ANKRD11: variants seen among roughly 807,000 people sequenced by gnomAD.
ANKRD11 encodes the protein ankyrin repeat domain-containing protein 11.
In ANKRD11, 17 loss-of-function variants were observed where a neutral mutation model predicts 195.7. That is an observed-to-expected ratio of 0.09 (90% CI 0.06 to 0.13). The LOEUF is 0.13. Ranked by LOEUF, ANKRD11 falls within the 10% of genes least tolerant of loss-of-function variation. The pLI, the probability that ANKRD11 is intolerant of heterozygous loss-of-function variation, is 1.00. For synonymous variants in ANKRD11, 1,953 were observed against 1,528.1 expected, an observed-to-expected ratio of 1.28 and a Z score of -6.49; for missense variants, 3,735 against 3,566.1, an observed-to-expected ratio of 1.05 and a Z score of -1.21.
chr16:89,481,072 T>C, intron 1 of ANKRD11, among the ~76,000 whole-genome samples: 1 of 152,184 alleles, frequency 6.6e-6, no homozygotes, highest in Non-Finnish European at 1.5e-5. Context: ...TTCTTTTCTG[T>C]CTCCTTTGCT....
At chr16:89,448,792 G>A (rs1172292871) in intron 1 of ANKRD11, among the ~76,000 whole-genome samples, 1 of 152,138 alleles carries the variant, frequency 6.6e-6, no homozygotes, top group African/African-American at 2.4e-5. Context: ...ACCCTCACCA[G>A]CACCGCCCCG....
intron 2 of ANKRD11, among the ~76,000 whole-genome samples, chr16:89,354,272 G>A (rs571355530): frequency 6.9e-6 from 1 of 144,358 alleles, no homozygotes; most frequent in African/African-American, 2.6e-5. Context: ...AAAACTTCAT[G>A]TTGAAACACT....
At position 89,287,238 on chromosome 16, in the gene ANKRD11, TC is replaced by T. The variant is rs1219778399; in HGVS notation, c.745-1053del. On this transcript the variant is annotated intron_variant, in intron 7 of 12. Transcript: ENST00000301030. ...AGCGCAGGTGCGGCCCTCCTCGGGT[TC>T]TAACCTCTCCTGCTTCTGGCATCTC... 1.6e-5 allele frequency: 8 copies of T among 490,888 alleles called. No homozygotes were observed. In the East Asian group the frequency reaches 5.6e-4, roughly 35 times the overall value. 30.4% of individuals were successfully genotyped at this position (490,888 alleles called of 1,614,324 possible).
At chr16:89,452,551 TG>T (rs1215887284) in intron 1 of ANKRD11, among the ~76,000 whole-genome samples, 2 of 151,510 alleles carry the variant, frequency 1.3e-5, no homozygotes, top group Non-Finnish European at 2.9e-5. Flanking sequence ...CTGAGGCGGG[TG>T]GATCACCTGA....
In ANKRD11 at chr16:89,283,862, C is replaced by T. The variant is rs1482994254; in HGVS notation, c.2680G>A (p.Ala894Thr). ...DSKERRRDSR[A>T]REKRDYREPF... ...TCTCTGTAGTCTCGCTTCTCCCGGG[C>T]CCGGCTGTCCCGCCTCCTCTCCTTG... The change falls in exon 9 of 13, where the codon GCC becomes ACC. Residue 894 changes from alanine (A) to threonine (T), a missense_variant. Transcript: ENST00000301030. The surrounding 1 kb of genome is among the most constrained non-coding windows in gnomAD (Gnocchi z 4.3). The T allele has an allele frequency of 2.5e-6, 4 of 1,614,040 alleles. No individual in the cohort carries two copies. The highest frequency in any genetic ancestry group is 3.4e-6 in the Non-Finnish European group (4 of 1,180,044).
At chr16:89,482,451 C>T (rs1450723885) in intron 1 of ANKRD11, among the ~76,000 whole-genome samples, 1 of 152,120 alleles carries the variant, frequency 6.6e-6, no homozygotes, top group Non-Finnish European at 1.5e-5. Context: ...AATGTGGGAT[C>T]CCGGATGGCA....
In ANKRD11 at chr16:89,279,659, C is replaced by T. The variant is rs1173462781; in HGVS notation, c.6883G>A (p.Glu2295Lys). The T allele has an allele frequency of 1.4e-6, 2 of 1,445,058 alleles. No homozygotes were observed. Among genetic ancestry groups the T allele is most frequent in the Admixed American group, 5.4e-5 (2 of 36,806 alleles). 89.5% of individuals were successfully genotyped at this position (1,445,058 alleles called of 1,614,324 possible). A position where few individuals can be genotyped will look rare whatever the true frequency, so the allele number is the denominator to read the frequency against. The change falls in exon 9 of 13, where the codon GAG becomes AAG. Residue 2295 changes from glutamate to lysine, a missense_variant. By Grantham distance (56) the Glu-to-Lys change is moderately conservative (BLOSUM62 1). Coordinates refer to ENST00000301030, the MANE Select transcript of ANKRD11 (RefSeq NM_013275.6). The surrounding 1 kb of genome is among the most constrained non-coding windows in gnomAD (Gnocchi z 5.6). ...ADGAGPEDDT[E>K]ASRAAAPAEG... ...GCTGGGGCGGCGGCACGGGAGGCCT[C>T]AGTGTCGTCCTCGGGGCCGGCACCG... is the stretch of plus-strand genomic sequence containing the variant.
intron 11 of ANKRD11, chr16:89,272,806 GTACTAT>G (rs1457514435): frequency 6.6e-6 from 1 of 151,908 alleles, no homozygotes; most frequent in Non-Finnish European, 1.5e-5. Context: ...ACACAACGGA[GTACTAT>G]TCAGCCACAA....
chr16:89,324,359 A>G (rs2037563127), intron 2 of ANKRD11: 11 of 1,000,928 alleles, frequency 1.1e-5, no homozygotes, highest in Non-Finnish European at 1.4e-5. Context: ...AGAGGGAAAA[A>G]GCCAGGAGGG....
chr16:89,441,435 C>T (rs2043461543), intron 1 of ANKRD11, among the ~76,000 whole-genome samples: 1 of 151,920 alleles, frequency 6.6e-6, no homozygotes, highest in Non-Finnish European at 1.5e-5. Context: ...GCAACAAAAG[C>T]AGTCAGGAAA....
chr16:89,416,033 T>G (rs889233995), intron 2 of ANKRD11, among the ~76,000 whole-genome samples: 1 of 151,862 alleles, frequency 6.6e-6, no homozygotes, highest in African/African-American at 2.4e-5. Context: ...GTATTCAATC[T>G]AACCACCACA....
chr16:89,335,069 C>T (rs1032079114), intron 2 of ANKRD11, among the ~76,000 whole-genome samples: 2 of 152,128 alleles, frequency 1.3e-5, no homozygotes, highest in Admixed American at 6.5e-5. Flanking sequence ...CCGCAAAGAA[C>T]AATAAAAAAC....
chr16:89,290,043 C>A (rs1292843101), intron 6 of ANKRD11, among the ~76,000 whole-genome samples: 2 of 152,200 alleles, frequency 1.3e-5, no homozygotes, highest in African/African-American at 4.8e-5. Context: ...ATAAAAATAA[C>A]AATAAAACCC....
At chr16:89,456,332 T>A (rs1412986681) in intron 1 of ANKRD11, among the ~76,000 whole-genome samples, 1 of 151,578 alleles carries the variant, frequency 6.6e-6, no homozygotes, top group African/African-American at 2.4e-5. Flanking sequence ...GCAGACCACT[T>A]GAGGTCAGGA....
At chr16:89,461,947 G>A (rs1056542083) in intron 1 of ANKRD11, among the ~76,000 whole-genome samples, 2 of 151,940 alleles carry the variant, frequency 1.3e-5, no homozygotes, top group African/African-American at 4.8e-5. Context: ...TATTGAAAAA[G>A]CCCATCCCAG....
intron 2 of ANKRD11, among the ~76,000 whole-genome samples, chr16:89,376,874 T>C (rs1319468114): frequency 1.3e-5 from 2 of 152,216 alleles, no homozygotes; most frequent in African/African-American, 4.8e-5. Flanking sequence ...TGCTACTGTT[T>C]TGTGCAAATG....
chr16:89,284,822 T>A lies in ANKRD11; in HGVS notation c.1720A>T (p.Thr574Ser), dbSNP rs750344473. Residue 574 changes from threonine (T) to serine (S), a missense_variant, in exon 9 of 13, where the codon ACA (threonine) becomes TCA (serine). Physicochemically the swap from Thr to Ser is moderately conservative, Grantham distance 58. Coordinates refer to ENST00000301030, the MANE Select transcript of ANKRD11 (RefSeq NM_013275.6). ...SLSDSTRTRL[T>S]SESDYSSEGS... ...TCAGAGGAGTAGTCAGACTCGCTTGTCAGTCTCGTCCTTGTGGAGTCTGAT... is the reference window on the plus strand; with the variant it reads ...TCAGAGGAGTAGTCAGACTCGCTTGACAGTCTCGTCCTTGTGGAGTCTGAT... 5 of 1,613,912 alleles carry A rather than the reference T, an allele frequency of 3.1e-6. No individual in the cohort carries two copies. The South Asian group carries it at 5.5e-5, about 18-fold the overall frequency.
chr16:89,269,967 T>C (rs1430957488), intron 12 of ANKRD11: 1 of 152,206 alleles, frequency 6.6e-6, no homozygotes. Context: ...TTTATGAAGC[T>C]TTCAGTTTTT....
intron 1 of ANKRD11, among the ~76,000 whole-genome samples, chr16:89,425,724 G>T (rs1369957803): frequency 6.6e-6 from 1 of 152,124 alleles, no homozygotes; most frequent in Non-Finnish European, 1.5e-5. Context: ...TTAAGGGTGG[G>T]GTGCTATTCA....
Sources: allele counts gnomAD v4.1 joint callset (sites outside exome capture counted in the v4.1 genomes callset), GRCh38; gene constraint gnomAD v4.1.1; non-coding constraint Gnocchi (gnomAD v3.1); transcripts MANE v1.5; gene names NCBI Gene and HGNC (gene_info 2026-07-23, HGNC 2026-07-21).